Variants in TSHZ2 observed in about 807,000 individuals in gnomAD.
TSHZ2 encodes teashirt zinc finger homeobox 2.
TSHZ2 carries 21 observed loss-of-function variants against 74.4 expected under a neutral mutation model. The observed-to-expected ratio is 0.28, with a 90% CI of 0.20 to 0.41. The LOEUF (loss-of-function observed/expected upper bound fraction) is 0.41, where lower values mean the gene tolerates loss of function less well. TSHZ2 is among the 10% of genes least tolerant of loss of function. The probability of loss-of-function intolerance (pLI) is 1.00; values close to 1 mark genes in which losing one functional copy is unlikely to be tolerated. For missense variants in TSHZ2, 1,244 were observed against 1,293.5 expected, an observed-to-expected ratio of 0.96 and a Z score of 0.59; for synonymous variants, 540 against 515.3, an observed-to-expected ratio of 1.05 and a Z score of -0.65.
intron 1 of TSHZ2, among the ~76,000 whole-genome samples, chr20:53,180,529 C>T (rs900318459): frequency 6.6e-6 from 1 of 152,136 alleles, no homozygotes; most frequent in Non-Finnish European, 1.5e-5. Context: ...GCAGCCCTTC[C>T]TGATTTTGGT....
At chr20:53,132,329 T>TTTTTTTA (rs200409847) in intron 1 of TSHZ2, among the ~76,000 whole-genome samples, 1 of 151,210 alleles carries the variant, frequency 6.6e-6, no homozygotes, top group African/African-American at 2.4e-5. Flanking sequence ...TTTTTTTTTT[T>TTTTTTTA]GAGATAGAGT....
In TSHZ2 at chr20:53,185,939, G is replaced by A. The variant is rs541375888; in HGVS notation, c.41-67560G>A. On this transcript the variant is annotated intron_variant, in intron 1 of 2. Coordinates refer to ENST00000371497, the MANE Select transcript of TSHZ2 (RefSeq NM_173485.6). ...ACTCAGGTGAACATTAGTCCAAGTC[G>A]AGGGTTACTGTGAATGGTGCCATCT... is the stretch of plus-strand genomic sequence containing the variant. 5.2e-4 allele frequency among the ~76,000 whole-genome samples: 79 copies of A among 152,286 alleles called. 2 individuals are homozygous for A. The highest frequency in any genetic ancestry group is 1.8e-3 in the African/African-American group (74 of 41,558).
chr20:53,155,793 C>T (rs1987780677), intron 1 of TSHZ2, among the ~76,000 whole-genome samples: 1 of 151,848 alleles, frequency 6.6e-6, no homozygotes, highest in Non-Finnish European at 1.5e-5. Context: ...GTGATAGACT[C>T]TACATTGGCC....
At chr20:52,997,049 T>C (rs1449403693) in intron 1 of TSHZ2, among the ~76,000 whole-genome samples, 1 of 152,162 alleles carries the variant, frequency 6.6e-6, no homozygotes, top group Non-Finnish European at 1.5e-5. Flanking sequence ...GGACATTCAT[T>C]GGGAGCGGCT....
rs1397871374 is a variant in TSHZ2, at chr20:53,490,452, C to T, written c.*3317C>T. On this transcript the variant is annotated 3_prime_UTR_variant, in exon 3 of 3. Transcript: ENST00000371497. ...CTGATATCAAGACATTTGAGGGACA[C>T]AGTTCATGTAGAATCAAAATATTAG... The T allele has an allele frequency of 1.3e-5, 2 of 152,178 alleles. No homozygotes were observed. The highest frequency in any genetic ancestry group is 2.9e-5 in the Non-Finnish European group (2 of 68,042). 9.4% of individuals were successfully genotyped at this position (152,178 alleles called of 1,614,324 possible). A position where few individuals can be genotyped will look rare whatever the true frequency, so the allele number is the denominator to read the frequency against.
At chr20:53,429,279 C>T (rs1268952363) in intron 2 of TSHZ2, among the ~76,000 whole-genome samples, 1 of 152,160 alleles carries the variant, frequency 6.6e-6, no homozygotes, top group East Asian at 1.9e-4. Flanking sequence ...ATCCTAACCC[C>T]AGCTCCATTT....
chr20:53,176,873 G>C (rs1370738863), intron 1 of TSHZ2, among the ~76,000 whole-genome samples: 1 of 151,898 alleles, frequency 6.6e-6, no homozygotes, highest in Admixed American at 6.5e-5. Context: ...TTTTAGTAGA[G>C]ATGGGGTTTC....
intron 2 of TSHZ2, among the ~76,000 whole-genome samples, chr20:53,327,853 T>G (rs1185348629): frequency 6.6e-6 from 1 of 152,222 alleles, no homozygotes; most frequent in Non-Finnish European, 1.5e-5. Flanking sequence ...AAGGAAGTCC[T>G]GACCAATGTG....
chr20:53,301,189 C>T (rs1991470859), intron 2 of TSHZ2, among the ~76,000 whole-genome samples: 1 of 152,032 alleles, frequency 6.6e-6, no homozygotes, highest in Admixed American at 6.6e-5. Flanking sequence ...AACTCCTGAC[C>T]TCAAGTGATC....
intron 1 of TSHZ2, among the ~76,000 whole-genome samples, chr20:53,177,941 G>T (rs1988384668): frequency 1.3e-5 from 2 of 152,158 alleles, no homozygotes; most frequent in Non-Finnish European, 2.9e-5. Context: ...TCTTTGCACA[G>T]TGCCTGGTGC....
At chr20:53,218,916 G>A (rs1022894184) in intron 1 of TSHZ2, among the ~76,000 whole-genome samples, 2 of 152,144 alleles carry the variant, frequency 1.3e-5, no homozygotes, top group African/African-American at 4.8e-5. Flanking sequence ...ATACAGTCTA[G>A]TATCTGTTAG....
intron 2 of TSHZ2, among the ~76,000 whole-genome samples, chr20:53,318,673 A>G (rs1195212663): frequency 6.6e-6 from 1 of 152,186 alleles, no homozygotes; most frequent in African/African-American, 2.4e-5. Context: ...AATTCTGCTC[A>G]GCCTTTACTG....
rs140961165 is a variant in TSHZ2 at position 53,221,903 on chromosome 20, A to C, written c.41-31596A>C. Among the ~76,000 whole-genome samples, 21 of 152,342 alleles carry C rather than the reference A, an allele frequency of 1.4e-4. 1 individual carries two copies. In the East Asian group the frequency reaches 3.5e-3, roughly 25 times the overall value. The stretch of plus-strand genomic sequence containing the variant: ...ACTGGGTTAGTGTTATAGTTCATTC[A>C]AATTACTCACAAACTATCATATCAA... On this transcript the variant is annotated intron_variant, in intron 1 of 2. Coordinates refer to ENST00000371497, the MANE Select transcript of TSHZ2 (RefSeq NM_173485.6).
intron 1 of TSHZ2, among the ~76,000 whole-genome samples, chr20:52,977,722 G>A (rs973427989): frequency 6.6e-6 from 1 of 152,014 alleles, no homozygotes; most frequent in South Asian, 2.1e-4. Context: ...TTTGTTTTAG[G>A]CATTTATTGA....
chr20:53,469,580 G>A (rs1985696336), intron 2 of TSHZ2, among the ~76,000 whole-genome samples: 1 of 123,170 alleles, frequency 8.1e-6, no homozygotes, highest in Admixed American at 8.9e-5. Flanking sequence ...AAGGAAGGAA[G>A]GAAGGAAGGA....
chr20:53,064,869 G>A (rs913033977), intron 1 of TSHZ2, among the ~76,000 whole-genome samples: 11 of 152,194 alleles, frequency 7.2e-5, no homozygotes, highest in Non-Finnish European at 1.0e-4. Context: ...GTGAGGAGCA[G>A]ATGGTAAGAC....
At chr20:53,178,402 G>T (rs1988394655) in intron 1 of TSHZ2, 2 of 152,272 alleles carry the variant, frequency 1.3e-5, no homozygotes, top group South Asian at 2.1e-4. Context: ...ATCACATGAG[G>T]CATCACCATC....
At chr20:53,150,713 AAGG>A (rs915742354) in intron 1 of TSHZ2, among the ~76,000 whole-genome samples, 11 of 152,004 alleles carry the variant, frequency 7.2e-5, no homozygotes, top group African/African-American at 1.9e-4. Context: ...GAAGGAAGGA[AAGG>A]AGGAAAAGAA....
intron 2 of TSHZ2, among the ~76,000 whole-genome samples, chr20:53,275,278 G>A (rs1354863763): frequency 2.0e-5 from 3 of 151,998 alleles, no homozygotes; most frequent in African/African-American, 4.8e-5. Flanking sequence ...TAAGTTCCTA[G>A]TTCAAAAATG....
Sources: allele counts gnomAD v4.1 joint callset (sites outside exome capture counted in the v4.1 genomes callset), GRCh38; gene constraint gnomAD v4.1.1; transcripts MANE v1.5; gene names NCBI Gene and HGNC (gene_info 2026-07-23, HGNC 2026-07-21).